The following RORA variants were observed in gnomAD, a reference collection of about 807,000 sequenced individuals.
RORA encodes RAR related orphan receptor A.
RORA carries 7 observed loss-of-function variants against 69.5 expected under a neutral mutation model. The observed-to-expected ratio is 0.10, with a 90% CI of 0.06 to 0.19. RORA has a LOEUF of 0.19. Ranked by LOEUF, RORA falls within the 10% of genes least tolerant of loss-of-function variation. The pLI is 1.00. For synonymous variants in RORA, 261 were observed against 240.8 expected (o/e 1.08, Z -0.78); for missense variants, 457 against 663.0 (o/e 0.69, Z 3.41).
intron 2 of RORA, among the ~76,000 whole-genome samples, chr15:60,624,471 C>CAAATATATATATAT: frequency 1.4e-5 from 1 of 73,580 alleles, no homozygotes; most frequent in Non-Finnish European, 2.4e-5. Flanking sequence ...CCATTTGCTG[C>CAAATATATATATAT]ATATATATAT....
intron 1 of RORA, among the ~76,000 whole-genome samples, chr15:61,164,414 A>ACAAT (rs1260340085): frequency 6.6e-6 from 1 of 152,234 alleles, no homozygotes; most frequent in Admixed American, 6.5e-5. Context: ...TTTTTCCTGA[A>ACAAT]CAATCAGGTG....
chr15:60,569,170 A>G (rs994740655), intron 2 of RORA, among the ~76,000 whole-genome samples: 3 of 151,838 alleles, frequency 2.0e-5, no homozygotes, highest in Non-Finnish European at 4.4e-5. Flanking sequence ...ACTCCTTCTC[A>G]AAAGAAACCA....
At chr15:60,958,005 G>C (rs981409535) in intron 1 of RORA, among the ~76,000 whole-genome samples, 3 of 150,850 alleles carry the variant, frequency 2.0e-5, no homozygotes, top group Non-Finnish European at 2.9e-5. Context: ...AGAATAATTA[G>C]CCAACTGCTT....
chr15:61,092,446 T>C (rs987999318), intron 1 of RORA, among the ~76,000 whole-genome samples: 3 of 152,236 alleles, frequency 2.0e-5, no homozygotes, highest in Admixed American at 2.0e-4. Context: ...GTGGCTGCTT[T>C]TCAGCAAAAT....
chr15:60,743,868 C>T (rs140565513), intron 1 of RORA, among the ~76,000 whole-genome samples: 99 of 152,222 alleles, frequency 6.5e-4, no homozygotes, highest in Admixed American at 2.6e-3. Flanking sequence ...AGAGAACTTC[C>T]GTCCAATTTT....
At chr15:60,862,834 G>C (rs1023415896) in intron 1 of RORA, among the ~76,000 whole-genome samples, 2 of 152,190 alleles carry the variant, frequency 1.3e-5, no homozygotes, top group Non-Finnish European at 2.9e-5. Context: ...TTGTGTAACT[G>C]TTCAATTAGG....
chr15:60,596,167 A>G (rs1304259348), intron 2 of RORA, among the ~76,000 whole-genome samples: 2 of 152,176 alleles, frequency 1.3e-5, no homozygotes, highest in African/African-American at 4.8e-5. Flanking sequence ...ATATAATGCT[A>G]TTGGGGAGAA....
In RORA at chr15:61,061,438, G is replaced by A. The variant is rs564582292; in HGVS notation, c.166+167615C>T. Among the ~76,000 whole-genome samples the A allele has an allele frequency of 2.6e-5, 4 of 151,976 alleles. No individual in the cohort carries two copies. Among genetic ancestry groups the A allele is most frequent in the East Asian group, 3.9e-4 (2 of 5,166 alleles). ...GGAAGTCCTGATGTCAAGGTAATGC[G>A]GCCAGGCATATCTGTTGTTGCTGAC... On this transcript the variant is annotated intron_variant, in intron 1 of 10. Transcript: ENST00000335670. The surrounding 1 kb of genome is among the most constrained non-coding windows in gnomAD (Gnocchi z 4.4).
intron 1 of RORA, among the ~76,000 whole-genome samples, chr15:60,956,390 G>T (rs1893268856): frequency 6.6e-6 from 1 of 152,176 alleles, no homozygotes; most frequent in African/African-American, 2.4e-5. Context: ...AGACGCCCAG[G>T]TAAGACAGGT....
rs189314546 is a variant in RORA at position 60,626,577 on chromosome 15, C to T, written c.196+52080G>A. Among the ~76,000 whole-genome samples, 13 of 152,248 alleles carry T rather than the reference C, an allele frequency of 8.5e-5. No individual in the cohort carries two copies. The East Asian group carries it at 9.7e-4, about 11-fold the overall frequency. On this transcript the variant is annotated intron_variant, in intron 2 of 10. Coordinates refer to ENST00000335670, the MANE Select transcript of RORA (RefSeq NM_134261.3). ...GCCCAGCATGGTGCTCAGTGCTTTGCGTGGATTGTCTCCTGTCAACCCCAT... is the reference window on the plus strand; with the variant it reads ...GCCCAGCATGGTGCTCAGTGCTTTGTGTGGATTGTCTCCTGTCAACCCCAT...
chr15:60,851,761 T>TGA lies in RORA; in HGVS notation c.167-173077_167-173076dup, dbSNP rs141360122. 4.0e-3 allele frequency among the ~76,000 whole-genome samples: 597 copies of TGA among 149,428 alleles called. 4 individuals are homozygous for TGA. The highest frequency in any genetic ancestry group is 0.014 in the African/African-American group (565 of 40,748). ...GTGTGTGTATGAGTGAGTGGGTGGG[T>TGA]GAGAGAGAGAGAGAGATTTTTTTTT... is the stretch of plus-strand genomic sequence containing the variant. On this transcript the variant is annotated intron_variant, in intron 1 of 10. Coordinates refer to ENST00000335670, the MANE Select transcript of RORA (RefSeq NM_134261.3).
At chr15:60,824,693 T>G (rs560339762) in intron 1 of RORA, among the ~76,000 whole-genome samples, 1 of 152,326 alleles carries the variant, frequency 6.6e-6, no homozygotes, top group South Asian at 2.1e-4. Flanking sequence ...CGTACGATTG[T>G]TGCTGTGAAG....
intron 1 of RORA, among the ~76,000 whole-genome samples, chr15:60,994,358 T>G (rs1001929819): frequency 6.6e-6 from 1 of 152,242 alleles, no homozygotes; most frequent in Non-Finnish European, 1.5e-5. Context: ...ACTGTAAATA[T>G]TCTGCTACCG....
At chr15:61,133,639 A>G (rs2079211724) in intron 1 of RORA, among the ~76,000 whole-genome samples, 1 of 152,136 alleles carries the variant, frequency 6.6e-6, no homozygotes, top group Admixed American at 6.5e-5. Context: ...TGTTGGCTCG[A>G]ATGGAGGTAC....
chr15:61,160,118 A>G (rs934353645), intron 1 of RORA, among the ~76,000 whole-genome samples: 4 of 152,202 alleles, frequency 2.6e-5, no homozygotes, highest in Non-Finnish European at 4.4e-5. Context: ...TGATGTGACA[A>G]TGTTATACAA....
chr15:60,953,781 G>A (rs1893180663), intron 1 of RORA, among the ~76,000 whole-genome samples: 1 of 151,820 alleles, frequency 6.6e-6, no homozygotes, highest in Non-Finnish European at 1.5e-5. Context: ...TCATTAAAAA[G>A]TCAGGAAACA....
intron 2 of RORA, among the ~76,000 whole-genome samples, chr15:60,628,840 A>C (rs1403695446): frequency 6.6e-6 from 1 of 152,216 alleles, no homozygotes; most frequent in South Asian, 2.1e-4. Context: ...AGAATGACCT[A>C]TTGCAGCTCA....
intron 1 of RORA, among the ~76,000 whole-genome samples, chr15:60,780,744 A>C (rs1222283242): frequency 6.6e-6 from 1 of 152,178 alleles, no homozygotes; most frequent in Non-Finnish European, 1.5e-5. Context: ...GTAGTCGTAA[A>C]ATTTATTGAG....
At chr15:60,809,276 A>G (rs557590675) in intron 1 of RORA, among the ~76,000 whole-genome samples, 1 of 152,344 alleles carries the variant, frequency 6.6e-6, no homozygotes, top group Non-Finnish European at 1.5e-5. Flanking sequence ...GAATTGGTAA[A>G]TTGTGTGGTA....
Sources: allele counts gnomAD v4.1 joint callset (sites outside exome capture counted in the v4.1 genomes callset), GRCh38; gene constraint gnomAD v4.1.1; non-coding constraint Gnocchi (gnomAD v3.1); transcripts MANE v1.5; gene names NCBI Gene and HGNC (gene_info 2026-07-23, HGNC 2026-07-21).